DAB1: variants seen among roughly 807,000 people sequenced by gnomAD.
DAB1 encodes the protein disabled homolog 1.
A neutral mutation model predicts 64.6 loss-of-function variants in DAB1; 15 were observed. That is an observed-to-expected ratio of 0.23 (90% CI 0.16 to 0.36). DAB1 has a LOEUF of 0.36. DAB1 is among the 10% of genes least tolerant of loss of function. The pLI is 1.00. For synonymous variants in DAB1, 235 were observed against 251.9 expected (o/e 0.93, Z 0.64); for missense variants, 596 against 706.7 (o/e 0.84, Z 1.78).
chr1:57,803,620 G>T (rs1437358962), intron 6 of DAB1, among the ~76,000 whole-genome samples: 1 of 152,174 alleles, frequency 6.6e-6, no homozygotes, highest in African/African-American at 2.4e-5. Flanking sequence ...CAGAACTAGG[G>T]TCTGACCAAC....
intron 1 of DAB1, among the ~76,000 whole-genome samples, chr1:58,542,898 G>C (rs1646643329): frequency 6.6e-6 from 1 of 152,078 alleles, no homozygotes; most frequent in Non-Finnish European, 1.5e-5. Flanking sequence ...TTCCGCACAG[G>C]AATATAAGGG....
chr1:57,580,174 G>A (rs527490423), intron 7 of DAB1, among the ~76,000 whole-genome samples: 47 of 152,246 alleles, frequency 3.1e-4, no homozygotes, highest in Non-Finnish European at 6.2e-4. Context: ...AAGAGAAGAG[G>A]TTGGGATTGC....
intron 3 of DAB1, among the ~76,000 whole-genome samples, chr1:58,466,186 T>C (rs1244512218): frequency 6.6e-6 from 1 of 152,048 alleles, no homozygotes; most frequent in Non-Finnish European, 1.5e-5. Flanking sequence ...CCTGGAGACG[T>C]GGGACTCCTC....
At chr1:57,584,890 C>T (rs953730207) in intron 7 of DAB1, among the ~76,000 whole-genome samples, 3 of 150,524 alleles carry the variant, frequency 2.0e-5, no homozygotes, top group African/African-American at 4.9e-5. Flanking sequence ...ATCCTGCCAT[C>T]ACATTTCCTC....
At chr1:57,927,759 C>A (rs80169803) in intron 5 of DAB1, among the ~76,000 whole-genome samples, 1,917 of 152,186 alleles carry the variant, frequency 0.013, 47 homozygotes, top group African/African-American at 0.044. Flanking sequence ...TCCAATATGA[C>A]CATTATAATC....
chr1:57,463,420 T>C (rs889620592), intron 7 of DAB1, among the ~76,000 whole-genome samples: 4 of 152,172 alleles, frequency 2.6e-5, no homozygotes, highest in African/African-American at 9.7e-5. Context: ...GGGTCTTATG[T>C]TTTTTATTAT....
chr1:58,481,968 G>T (rs1645493174), intron 3 of DAB1, among the ~76,000 whole-genome samples: 1 of 152,168 alleles, frequency 6.6e-6, no homozygotes, highest in African/African-American at 2.4e-5. Flanking sequence ...TTAGCAGCAT[G>T]AGAATGGACT....
chr1:57,007,007 TC>T (rs1311873001), intron 14 of DAB1, among the ~76,000 whole-genome samples: 15 of 152,018 alleles, frequency 9.9e-5, no homozygotes, highest in Admixed American at 9.8e-4. Context: ...TTTCTTCCCT[TC>T]CCTCCCTACC....
chr1:57,128,093 A>G (rs1344185691), intron 4 of DAB1, among the ~76,000 whole-genome samples: 1 of 152,014 alleles, frequency 6.6e-6, no homozygotes, highest in Non-Finnish European at 1.5e-5. Flanking sequence ...GTTGCAGCAA[A>G]CAGAGATCGT....
chr1:57,803,302 C>G (rs1218982752), intron 6 of DAB1, among the ~76,000 whole-genome samples: 2 of 152,184 alleles, frequency 1.3e-5, no homozygotes, highest in African/African-American at 4.8e-5. Context: ...GTGGCTGTAA[C>G]TACAGGAAGC....
chr1:57,569,188 G>T (rs1480490789), intron 7 of DAB1, among the ~76,000 whole-genome samples: 101 of 144,016 alleles, frequency 7.0e-4, no homozygotes, highest in African/African-American at 2.5e-3. Flanking sequence ...AACCCCAGGG[G>T]GCGGAGCCTG....
intron 1 of DAB1, among the ~76,000 whole-genome samples, chr1:57,323,445 C>T (rs1428575732): frequency 1.3e-5 from 2 of 152,202 alleles, no homozygotes; most frequent in African/African-American, 4.8e-5. Flanking sequence ...AAAATCAACA[C>T]ATAGGGCCCA....
downstream of DAB1, chr1:57,826,002 A>G (rs1652334024): frequency 6.6e-6 from 1 of 152,224 alleles, no homozygotes; most frequent in Non-Finnish European, 1.5e-5. Context: ...GGTGTGGTGT[A>G]TCATTCCGTT....
At chr1:57,128,860 A>G (rs191094192) in intron 4 of DAB1, among the ~76,000 whole-genome samples, 2 of 152,170 alleles carry the variant, frequency 1.3e-5, no homozygotes, top group African/African-American at 4.8e-5. Flanking sequence ...CACTATGCCC[A>G]TGAAGGGGAG....
intron 7 of DAB1, among the ~76,000 whole-genome samples, chr1:57,429,453 T>C (rs1373211995): frequency 6.6e-6 from 1 of 152,218 alleles, no homozygotes; most frequent in Non-Finnish European, 1.5e-5. Flanking sequence ...CTTTTCATTT[T>C]TTTGATGGTT....
intron 1 of DAB1, chr1:57,875,304 C>T (rs959015160): frequency 6.6e-6 from 1 of 152,228 alleles, no homozygotes; most frequent in Non-Finnish European, 1.5e-5. Flanking sequence ...ATATTTAAAA[C>T]ATCACACCTT....
At chr1:58,226,141 C>T (rs1191347042) in intron 4 of DAB1, among the ~76,000 whole-genome samples, 2 of 152,086 alleles carry the variant, frequency 1.3e-5, no homozygotes, top group African/African-American at 2.4e-5. Flanking sequence ...TGGCCATCTC[C>T]AAGTCATGGT....
intron 4 of DAB1, among the ~76,000 whole-genome samples, chr1:58,247,955 T>C (rs967692542): frequency 3.3e-5 from 5 of 152,086 alleles, no homozygotes; most frequent in African/African-American, 1.2e-4. Flanking sequence ...TCTCTCCCTA[T>C]ATTCTCACCC....
chr1:57,062,985 A>G (rs1324057307), intron 8 of DAB1, 42 bp from the exon 9 acceptor site: 1 of 1,568,674 alleles, frequency 6.4e-7, no homozygotes, highest in Admixed American at 1.7e-5. Flanking sequence ...ACACTCTGGT[A>G]CTCCAATTTC....
Sources: gnomAD v4.1 joint callset for allele counts (sites outside exome capture counted in the v4.1 genomes callset) on GRCh38, gnomAD v4.1.1 for gene constraint, MANE v1.5 for transcripts, NCBI Gene and HGNC (gene_info 2026-07-23, HGNC 2026-07-21) for gene names.